Variants in PRKRIP1 observed in about 807,000 individuals in gnomAD.
PRKRIP1 encodes the protein PRKR-interacting protein 1.
PRKRIP1 carries 29 observed loss-of-function variants against 29.3 expected under a neutral mutation model. The observed-to-expected ratio is 0.99, with a 90% confidence interval of 0.74 to 1.35. PRKRIP1 has a LOEUF of 1.35. Ranked by LOEUF, PRKRIP1 falls within the 40% of genes most tolerant of loss-of-function variation. The pLI is 0.00. For synonymous variants in PRKRIP1, 90 were observed against 85.1 expected, an observed-to-expected ratio of 1.06 and a Z score of -0.32; for missense variants, 247 against 236.8, an observed-to-expected ratio of 1.04 and a Z score of -0.28.
intron 5 of PRKRIP1, among the ~76,000 whole-genome samples, chr7:102,411,612 T>C (rs141914358): frequency 4.4e-4 from 67 of 152,272 alleles, no homozygotes; most frequent in African/African-American, 1.6e-3. Context: ...CTTGAACTCC[T>C]CACCTAAGGT....
intron 5 of PRKRIP1, among the ~76,000 whole-genome samples, chr7:102,417,228 C>G (rs536380365): frequency 6.6e-6 from 1 of 152,080 alleles, no homozygotes. Context: ...TGATGTTTAC[C>G]TTGATCACAT....
Position 102,425,773 on chromosome 7 carries a change from G to A in PRKRIP1, c.*662G>A, listed in dbSNP as rs952619001. 12 of 156,288 alleles carry A rather than the reference G, an allele frequency of 7.7e-5. No individual in the cohort carries two copies. Among genetic ancestry groups the A allele is most frequent in the Middle Eastern group, 3.2e-3 (1 of 308 alleles). 9.7% of individuals were successfully genotyped at this position (156,288 alleles called of 1,614,324 possible). On this transcript the variant is annotated 3_prime_UTR_variant, in exon 6 of 6. Coordinates refer to ENST00000397912, the MANE Select transcript of PRKRIP1 (RefSeq NM_024653.4). ...ACAGGGTGTGTGGAAAGCGCTGTGG[G>A]GGAAGAGCCGGTCACCGGAGAGTGA... is the stretch of plus-strand genomic sequence containing the variant.
intron 1 of PRKRIP1, among the ~76,000 whole-genome samples, chr7:102,397,079 T>TAC (rs1795925102): frequency 1.3e-5 from 2 of 152,204 alleles, no homozygotes; most frequent in African/African-American, 4.8e-5. Flanking sequence ...GGCTTAGGTT[T>TAC]TTCAGTTCTG....
chr7:102,407,085 G>A (rs1404079508), intron 4 of PRKRIP1, among the ~76,000 whole-genome samples: 1 of 151,948 alleles, frequency 6.6e-6, no homozygotes, highest in African/African-American at 2.4e-5. Flanking sequence ...GTGGTGGCGG[G>A]TGCCTGTAGT....
At chr7:102,396,679 G>A in intron 1 of PRKRIP1, 142 bp downstream of exon 1, 1 of 866,820 alleles carries the variant, frequency 1.2e-6, no homozygotes, top group Non-Finnish European at 1.7e-6. Context: ...TCTTTGGGGA[G>A]GAGGAGGAGA....
chr7:102,412,907 C>T (rs1171177928), intron 5 of PRKRIP1, among the ~76,000 whole-genome samples: 6 of 152,200 alleles, frequency 3.9e-5, no homozygotes, highest in Non-Finnish European at 8.8e-5. Context: ...CATAGGATGA[C>T]ATTAAGCCAA....
intron 5 of PRKRIP1, chr7:102,423,307 GT>G (rs1554574042): frequency 5.1e-6 from 2 of 392,946 alleles, no homozygotes; most frequent in Admixed American, 3.0e-5. Flanking sequence ...TAGAGATGAG[GT>G]TTCCCCCATG....
chr7:102,397,995 C>T (rs1795960596), intron 2 of PRKRIP1, among the ~76,000 whole-genome samples: 1 of 150,816 alleles, frequency 6.6e-6, no homozygotes, highest in African/African-American at 2.4e-5. Flanking sequence ...TGCAGTGAGC[C>T]GAGATGGCGC....
chr7:102,403,170 C>T (rs1056285401), intron 3 of PRKRIP1, among the ~76,000 whole-genome samples: 4 of 152,142 alleles, frequency 2.6e-5, no homozygotes, highest in African/African-American at 9.7e-5. Flanking sequence ...CCACCGCACC[C>T]GGACTTCACA....
chr7:102,424,827 G>A (rs1796791961), intron 5 of PRKRIP1, among the ~76,000 whole-genome samples, 187 bp from the exon 6 acceptor site: 1 of 152,124 alleles, frequency 6.6e-6, no homozygotes, highest in Admixed American at 6.6e-5. Context: ...GGTAGATCAG[G>A]TCTGTGAGCC....
In PRKRIP1 at chr7:102,423,082, A is replaced by G. The variant is rs782325484; in HGVS notation, c.458-1932A>G. 84 of 446,046 alleles carry G rather than the reference A, an allele frequency of 1.9e-4. 1 individual carries two copies. Among genetic ancestry groups the G allele is most frequent in the South Asian group, 1.3e-3 (82 of 63,600 alleles). The allele number at this position is 446,046 out of a possible 1,614,324, so 27.6% of individuals were successfully genotyped here. A position where few individuals can be genotyped will look rare whatever the true frequency, so the allele number is the denominator to read the frequency against. ...AAACATCCAGCTCAACGAGTATTGT[A>G]TTCATCAGAAGCAGAATTAAAGATC... On this transcript the variant is annotated intron_variant, in intron 5 of 5. Transcript: ENST00000397912.
intron 5 of PRKRIP1, 78 bp from the exon 6 acceptor site, chr7:102,424,936 A>T: frequency 6.9e-7 from 1 of 1,459,684 alleles, no homozygotes; most frequent in Non-Finnish European, 9.3e-7. Flanking sequence ...TTGACTTCCC[A>T]TCAGCTCTCC....
chr7:102,413,202 A>G (rs1222441600), intron 5 of PRKRIP1, among the ~76,000 whole-genome samples: 1 of 152,100 alleles, frequency 6.6e-6, no homozygotes, highest in Non-Finnish European at 1.5e-5. Flanking sequence ...AGTCATCAGC[A>G]ATTGGATGTC....
At chr7:102,414,425 C>T (rs1796476864) in intron 5 of PRKRIP1, among the ~76,000 whole-genome samples, 1 of 152,114 alleles carries the variant, frequency 6.6e-6, no homozygotes, top group Admixed American at 6.6e-5. Context: ...CTTAATGAAG[C>T]AATTCCTTCA....
In PRKRIP1 at chr7:102,406,764, A is replaced by G. The variant is rs1416681963; in HGVS notation, c.393-670A>G. Among the ~76,000 whole-genome samples, 3 of 152,060 alleles carry G rather than the reference A, an allele frequency of 2.0e-5. No homozygotes were observed. The South Asian group carries it at 6.2e-4, about 32-fold the overall frequency. On this transcript the variant is annotated intron_variant, in intron 4 of 5. Coordinates refer to ENST00000397912, the MANE Select transcript of PRKRIP1 (RefSeq NM_024653.4). ...GTTGTTGATGTTGTGAGTTGTCTCC[A>G]CTGCTTTACGACCCATTTTGAATTT...
intron 5 of PRKRIP1, among the ~76,000 whole-genome samples, chr7:102,410,302 A>G (rs1554572390): frequency 6.6e-6 from 1 of 152,138 alleles, no homozygotes; most frequent in Non-Finnish European, 1.5e-5. Context: ...TGTTTGTGTC[A>G]ATCGTTACTG....
At chr7:102,423,551 C>A (rs1554574097) in intron 5 of PRKRIP1, among the ~76,000 whole-genome samples, 1 of 152,148 alleles carries the variant, frequency 6.6e-6, no homozygotes, top group Non-Finnish European at 1.5e-5. Context: ...TTATCTTCTT[C>A]ATCTGTAAAA....
intron 3 of PRKRIP1, among the ~76,000 whole-genome samples, chr7:102,401,453 G>A (rs1796068364): frequency 6.6e-6 from 1 of 152,190 alleles, no homozygotes. Flanking sequence ...GCTTTGGGGG[G>A]CCAGCCGTGG....
intron 5 of PRKRIP1, among the ~76,000 whole-genome samples, chr7:102,412,749 C>A (rs1796422477): frequency 6.6e-6 from 1 of 152,186 alleles, no homozygotes. Context: ...ATCACTCAAG[C>A]TATTTTGGCT....
Sources: gnomAD v4.1 joint callset for allele counts (sites outside exome capture counted in the v4.1 genomes callset) on GRCh38, gnomAD v4.1.1 for gene constraint, MANE v1.5 for transcripts, NCBI Gene and HGNC (gene_info 2026-07-23, HGNC 2026-07-21) for gene names.